MDGA2: variants seen among roughly 807,000 people sequenced by gnomAD.
The protein encoded by MDGA2 is MAM domain-containing glycosylphosphatidylinositol anchor protein 2.
Under a neutral mutation model 117.8 loss-of-function variants are expected in MDGA2, and 40 were observed. The observed-to-expected ratio is 0.34, with a 90% CI of 0.26 to 0.44. The LOEUF is 0.44. Ranked by LOEUF, MDGA2 falls within the 20% of genes least tolerant of loss-of-function variation. The pLI is 1.00. For missense variants in MDGA2, 1,123 were observed against 1,250.6 expected, an observed-to-expected ratio of 0.90 and a Z score of 1.54; for synonymous variants, 452 against 439.0, an observed-to-expected ratio of 1.03 and a Z score of -0.37.
intron 1 of MDGA2, among the ~76,000 whole-genome samples, chr14:47,638,033 T>C (rs1202331637): frequency 6.6e-6 from 1 of 152,158 alleles, no homozygotes; most frequent in East Asian, 1.9e-4. Flanking sequence ...TCTTCAAAGC[T>C]ACAACAGAAT....
At chr14:47,466,502 AAC>A in intron 1 of MDGA2, among the ~76,000 whole-genome samples, 1 of 152,220 alleles carries the variant, frequency 6.6e-6, no homozygotes, top group East Asian at 1.9e-4. Flanking sequence ...ATCCTCAAGA[AAC>A]AGAGAAGAAA....
intron 7 of MDGA2, among the ~76,000 whole-genome samples, chr14:47,043,666 CCCACTG>C (rs1351589348): frequency 6.6e-6 from 1 of 152,048 alleles, no homozygotes; most frequent in Admixed American, 6.6e-5. Context: ...AGGTCTAAAT[CCCACTG>C]CTTGTTTTCC....
At chr14:47,279,882 G>C (rs921946158) in intron 2 of MDGA2, among the ~76,000 whole-genome samples, 1 of 152,096 alleles carries the variant, frequency 6.6e-6, no homozygotes, top group Non-Finnish European at 1.5e-5. Context: ...AAAAGGACTA[G>C]AGATGGGATC....
intron 7 of MDGA2, chr14:47,058,810 C>T (rs1470225433): frequency 1.0e-6 from 1 of 985,584 alleles, no homozygotes; most frequent in Non-Finnish European, 1.2e-6. Flanking sequence ...TTCTGTAGGC[C>T]TTCTATCACA....
chr14:47,163,729 C>T (rs1883741698), intron 3 of MDGA2, among the ~76,000 whole-genome samples: 1 of 152,188 alleles, frequency 6.6e-6, no homozygotes, highest in Non-Finnish European at 1.5e-5. Flanking sequence ...CACATTTAGC[C>T]AACCTTGCAC....
intron 1 of MDGA2, among the ~76,000 whole-genome samples, chr14:47,662,551 A>AT (rs1897870707): frequency 6.6e-6 from 1 of 152,174 alleles, no homozygotes; most frequent in South Asian, 2.1e-4. Flanking sequence ...AAACTGAAAC[A>AT]CTGTTTGAAA....
At chr14:47,413,376 G>A (rs139702853) in intron 1 of MDGA2, among the ~76,000 whole-genome samples, 2 of 152,208 alleles carry the variant, frequency 1.3e-5, no homozygotes, top group African/African-American at 4.8e-5. Context: ...TTAGGTGTTT[G>A]AGTTTCTAAA....
At chr14:47,583,917 A>C (rs908683417) in intron 1 of MDGA2, among the ~76,000 whole-genome samples, 2 of 151,852 alleles carry the variant, frequency 1.3e-5, no homozygotes, top group Non-Finnish European at 2.9e-5. Context: ...AAGGGAAGAC[A>C]ATCTTATCCC....
chr14:46,993,494 C>T (rs1887172875), intron 8 of MDGA2, among the ~76,000 whole-genome samples: 2 of 150,864 alleles, frequency 1.3e-5, no homozygotes, highest in Non-Finnish European at 2.9e-5. Flanking sequence ...CAGAGTGTTG[C>T]TCTGTGGCCC....
chr14:47,462,398 A>AAAG, intron 1 of MDGA2, among the ~76,000 whole-genome samples: 8 of 151,374 alleles, frequency 5.3e-5, no homozygotes, highest in Non-Finnish European at 1.2e-4. Context: ...AAAAAGAAAG[A>AAAG]AAAAAAAGGT....
At chr14:46,891,168 T>C (rs1882869491) in intron 10 of MDGA2, among the ~76,000 whole-genome samples, 1 of 151,980 alleles carries the variant, frequency 6.6e-6, no homozygotes, top group East Asian at 1.9e-4. Context: ...ATATAGCCAA[T>C]ATTTATTGAG....
chr14:47,514,077 C>G (rs1303873958), intron 1 of MDGA2, among the ~76,000 whole-genome samples: 5 of 152,120 alleles, frequency 3.3e-5, no homozygotes, highest in Non-Finnish European at 7.4e-5. Flanking sequence ...GCAGACTTAA[C>G]AACAAGGAGT....
intron 2 of MDGA2, among the ~76,000 whole-genome samples, chr14:47,272,228 T>C (rs1167467078): frequency 1.3e-5 from 2 of 152,172 alleles, no homozygotes; most frequent in Non-Finnish European, 2.9e-5. Flanking sequence ...AGGTGCTTTC[T>C]ATGGGCTGCC....
intron 5 of MDGA2, among the ~76,000 whole-genome samples, chr14:47,123,412 G>A (rs895080022): frequency 6.6e-6 from 1 of 151,860 alleles, no homozygotes; most frequent in African/African-American, 2.4e-5. Context: ...CATTGCTTCT[G>A]TTCAAGATTT....
intron 1 of MDGA2, among the ~76,000 whole-genome samples, chr14:47,371,571 A>G (rs1461005905): frequency 6.6e-6 from 1 of 151,802 alleles, no homozygotes; most frequent in Non-Finnish European, 1.5e-5. Flanking sequence ...GGTAAGGCAA[A>G]AAGTAGTTCC....
chr14:47,131,666 C>T (rs1418286071), intron 5 of MDGA2, 48 bp downstream of exon 5: 3 of 1,402,294 alleles, frequency 2.1e-6, no homozygotes, highest in Admixed American at 2.1e-5. Flanking sequence ...AGTTTTTAAA[C>T]ATTAGTTGTA....
chr14:47,137,493 G>T (rs1340500233), intron 4 of MDGA2, among the ~76,000 whole-genome samples: 1 of 152,032 alleles, frequency 6.6e-6, no homozygotes, highest in African/African-American at 2.4e-5. Context: ...TTGTTAAAAA[G>T]AAATCTGATA....
chr14:47,054,187 C>T lies in MDGA2; in HGVS notation c.1525+7062G>A, dbSNP rs576555206. ...ACAATCTGCAGAATGTTTTCTTACG[C>T]TCCCTTTCATTCATTCTATTTCCTC... On this transcript the variant is annotated intron_variant, in intron 7 of 16. Coordinates refer to ENST00000399232, the MANE Select transcript of MDGA2 (RefSeq NM_001113498.3). 2.0e-5 allele frequency among the ~76,000 whole-genome samples: 3 copies of T among 151,872 alleles called. No homozygotes were observed. The South Asian group carries it at 6.2e-4, about 32-fold the overall frequency.
intron 14 of MDGA2, among the ~76,000 whole-genome samples, chr14:46,863,374 A>T (rs1375608392): frequency 6.6e-6 from 1 of 152,168 alleles, no homozygotes; most frequent in Non-Finnish European, 1.5e-5. Flanking sequence ...ATGAATAAAA[A>T]ACTTTTATCA....
Sources: allele counts gnomAD v4.1 joint callset (sites outside exome capture counted in the v4.1 genomes callset), GRCh38; gene constraint gnomAD v4.1.1; transcripts MANE v1.5; gene names NCBI Gene and HGNC (gene_info 2026-07-23, HGNC 2026-07-21).